EIPR1: variants seen among roughly 807,000 people sequenced by gnomAD.
The protein encoded by EIPR1 is EARP complex and GARP complex interacting protein 1.
Under a neutral mutation model 48.1 loss-of-function variants are expected in EIPR1, and 25 were observed. The ratio of observed to expected loss-of-function variants is 0.52; its 90% CI spans 0.38 to 0.73. The LOEUF (loss-of-function observed/expected upper bound fraction) is 0.73, where lower values mean the gene tolerates loss of function less well. Ranked by LOEUF, EIPR1 falls within the 30% of genes least tolerant of loss-of-function variation. The pLI, the probability that EIPR1 is intolerant of heterozygous loss-of-function variation, is 0.00. For missense variants in EIPR1, 415 were observed against 506.2 expected (o/e 0.82, Z 1.73); for synonymous variants, 204 against 201.9 (o/e 1.01, Z -0.09).
chr2:3,240,349 A>C, intron 4 of EIPR1, among the ~76,000 whole-genome samples: 2 of 150,916 alleles, frequency 1.3e-5, no homozygotes, highest in African/African-American at 4.9e-5. Flanking sequence ...TCCTAAAGCA[A>C]AGCCAGCAGA....
chr2:3,298,262 ACAGGCTTATATATTGGG>A (rs138424388), intron 3 of EIPR1: 1 of 152,310 alleles, frequency 6.6e-6, no homozygotes, highest in East Asian at 1.9e-4. Flanking sequence ...TATGTCTATT[ACAGGCTTATATATTGGG>A]GTTCCTTGTC....
chr2:3,202,170 C>T (rs1237209901), intron 5 of EIPR1, among the ~76,000 whole-genome samples: 2 of 152,198 alleles, frequency 1.3e-5, no homozygotes, highest in East Asian at 1.9e-4. Flanking sequence ...ATCTTCTGAC[C>T]TTGTGATCCG....
chr2:3,237,856 C>T (rs575435305), intron 4 of EIPR1, among the ~76,000 whole-genome samples: 5 of 152,292 alleles, frequency 3.3e-5, no homozygotes, highest in Admixed American at 1.3e-4. Flanking sequence ...GGCCCGCACA[C>T]GGCTGCTGTT....
chr2:3,252,758 T>A (rs1166533793), intron 4 of EIPR1, among the ~76,000 whole-genome samples: 1 of 152,132 alleles, frequency 6.6e-6, no homozygotes, highest in Non-Finnish European at 1.5e-5. Context: ...AGGGGCTCCA[T>A]CCCTGCCGGG....
intron 6 of EIPR1, 57 bp from the exon 7 acceptor site, chr2:3,194,223 T>C (rs1051932098): frequency 2.5e-6 from 4 of 1,594,404 alleles, no homozygotes; most frequent in Admixed American, 1.7e-5. Context: ...GAAAAGCCAC[T>C]GCGTGCTGCG....
intron 1 of EIPR1, among the ~76,000 whole-genome samples, chr2:3,360,578 T>C (rs1670828729): frequency 1.3e-5 from 2 of 152,082 alleles, no homozygotes; most frequent in Non-Finnish European, 2.9e-5. Flanking sequence ...CTACTTAGAG[T>C]AGGTAGAAAT....
At chr2:3,222,022 T>C (rs981269557) in intron 4 of EIPR1, among the ~76,000 whole-genome samples, 7 of 152,156 alleles carry the variant, frequency 4.6e-5, no homozygotes, top group South Asian at 2.1e-4. Context: ...AAGACACTTA[T>C]GTATGCATTT....
chr2:3,196,295 TAAAA>T (rs1664805209), intron 6 of EIPR1, among the ~76,000 whole-genome samples: 1 of 152,230 alleles, frequency 6.6e-6, no homozygotes, highest in African/African-American at 2.4e-5. Context: ...AACTGTATCT[TAAAA>T]AAGCTTGTGT....
chr2:3,332,657 G>C (rs1224284029), intron 3 of EIPR1, among the ~76,000 whole-genome samples: 2 of 152,214 alleles, frequency 1.3e-5, no homozygotes, highest in Non-Finnish European at 2.9e-5. Context: ...CCTGGGCACA[G>C]TCCCTCATTT....
chr2:3,229,415 T>G (rs191660925), intron 4 of EIPR1, among the ~76,000 whole-genome samples: 21 of 152,388 alleles, frequency 1.4e-4, no homozygotes, highest in South Asian at 1.2e-3. Flanking sequence ...AAAACAGTGA[T>G]GTTTCATCAG....
chr2:3,347,869 G>A (rs368261653), intron 2 of EIPR1, among the ~76,000 whole-genome samples: 1 of 152,216 alleles, frequency 6.6e-6, no homozygotes, highest in East Asian at 1.9e-4. Flanking sequence ...TCATCGAAAG[G>A]AAGCCAGGCT....
intron 2 of EIPR1, among the ~76,000 whole-genome samples, chr2:3,343,551 T>C (rs1391647793): frequency 2.0e-5 from 3 of 152,246 alleles, no homozygotes; most frequent in Non-Finnish European, 4.4e-5. Flanking sequence ...ATGATAAAGA[T>C]CAAACTCATG....
At chr2:3,369,715 G>A (rs1272026344) in intron 1 of EIPR1, among the ~76,000 whole-genome samples, 5 of 152,238 alleles carry the variant, frequency 3.3e-5, no homozygotes, top group Non-Finnish European at 7.3e-5. Flanking sequence ...GATTGCTTAG[G>A]TAAACAAAGC....
chr2:3,310,435 C>G (rs1363833675), intron 3 of EIPR1, among the ~76,000 whole-genome samples: 1 of 146,700 alleles, frequency 6.8e-6, no homozygotes, highest in African/African-American at 2.6e-5. Context: ...GGGCGGATCA[C>G]AAGGTCAGGA....
chr2:3,274,475 G>A (rs768740232), intron 3 of EIPR1: 101 of 1,532,176 alleles, frequency 6.6e-5, no homozygotes, highest in Non-Finnish European at 8.5e-5. Flanking sequence ...AAAAATAAAG[G>A]CATGTTAAGG....
At chr2:3,333,341 C>T (rs528778553) in intron 3 of EIPR1, among the ~76,000 whole-genome samples, 6 of 152,248 alleles carry the variant, frequency 3.9e-5, no homozygotes, top group South Asian at 2.1e-4. Flanking sequence ...CCAATAGCCA[C>T]GTCCTAAAGA....
intron 3 of EIPR1, chr2:3,282,704 C>A (rs1202226578): frequency 6.6e-6 from 1 of 152,300 alleles, no homozygotes. Flanking sequence ...CTGCACCAGG[C>A]CGGCGCCTGT....
At chr2:3,353,934 T>C (rs149784267) in intron 2 of EIPR1, among the ~76,000 whole-genome samples, 57 of 152,282 alleles carry the variant, frequency 3.7e-4, no homozygotes, top group South Asian at 6.2e-4. Context: ...ACAATGCACA[T>C]CTTTGCAATC....
chr2:3,254,932 T>C (rs530842615), intron 4 of EIPR1, among the ~76,000 whole-genome samples: 13 of 152,358 alleles, frequency 8.5e-5, no homozygotes, highest in African/African-American at 3.1e-4. Flanking sequence ...ACCATAGTTA[T>C]GCAGTGTTAC....
Sources: gnomAD v4.1 joint callset for allele counts (sites outside exome capture counted in the v4.1 genomes callset) on GRCh38, gnomAD v4.1.1 for gene constraint, MANE v1.5 for transcripts, NCBI Gene and HGNC (gene_info 2026-07-23, HGNC 2026-07-21) for gene names.